The following DNAH14 variants were observed in gnomAD, a reference collection of about 807,000 sequenced individuals.
The protein encoded by DNAH14 is axonemal beta dynein heavy chain 14.
A neutral mutation model predicts 520.9 loss-of-function variants in DNAH14; 478 were observed. That is an observed-to-expected ratio of 0.92 (90% confidence interval 0.85 to 0.99). DNAH14 has a LOEUF of 0.99. Ranked by LOEUF, DNAH14 falls within the 50% of genes least tolerant of loss-of-function variation. The probability of loss-of-function intolerance (pLI) is 0.00; values close to 1 mark genes in which losing one functional copy is unlikely to be tolerated. For synonymous variants in DNAH14, 1,581 were observed against 1,757.2 expected, an observed-to-expected ratio of 0.90 and a Z score of 2.51; for missense variants, 4,831 against 5,234.5, an observed-to-expected ratio of 0.92 and a Z score of 2.38.
At chr1:225,084,188 A>C (rs2073469438) in intron 20 of DNAH14, among the ~76,000 whole-genome samples, 1 of 152,118 alleles carries the variant, frequency 6.6e-6, no homozygotes, top group Non-Finnish European at 1.5e-5. Context: ...TGTAGTGAGG[A>C]GTTAGAGGAA....
intron 8 of DNAH14, among the ~76,000 whole-genome samples, chr1:224,982,288 C>T (rs938725175): frequency 2.6e-5 from 4 of 152,216 alleles, no homozygotes; most frequent in African/African-American, 9.6e-5. Context: ...TCAAACCTCT[C>T]TTGGTGTGCA....
At chr1:225,169,003 G>A (rs984673832) in intron 36 of DNAH14, among the ~76,000 whole-genome samples, 1 of 152,128 alleles carries the variant, frequency 6.6e-6, no homozygotes, top group African/African-American at 2.4e-5. Flanking sequence ...AATATTTACT[G>A]TTCTGCAGCC....
rs1206886806 is a variant in DNAH14, at chr1:224,960,315, A to G, written c.367+13A>G. ...TATGATAGAACAGGTATGTGGTATC[A>G]CTGAACCAATTGCTTAGAAATCACT... On this transcript the variant is annotated intron_variant, in intron 4 of 85. Coordinates refer to ENST00000682510, the MANE Select transcript of DNAH14 (RefSeq NM_001367479.1). The G allele has an allele frequency of 6.5e-7, 1 of 1,545,530 alleles. No individual in the cohort carries two copies. Among genetic ancestry groups the G allele is most frequent in the Admixed American group, 2.1e-5 (1 of 47,212 alleles).
chr1:224,991,084 C>CCTTT (rs1558617220), intron 8 of DNAH14, among the ~76,000 whole-genome samples: 2 of 77,904 alleles, frequency 2.6e-5, no homozygotes, highest in Non-Finnish European at 5.6e-5. Flanking sequence ...TGATGTTGAG[C>CCTTT]TTTTTTTTTT....
intron 55 of DNAH14, among the ~76,000 whole-genome samples, chr1:225,296,020 A>G (rs147143986): frequency 1.8e-4 from 27 of 152,092 alleles, no homozygotes; most frequent in Admixed American, 1.7e-3. Context: ...TTACAGCTTG[A>G]CTAGAAATCT....
intron 23 of DNAH14, among the ~76,000 whole-genome samples, chr1:225,101,946 G>A (rs1393311493): frequency 6.6e-6 from 1 of 151,558 alleles, no homozygotes; most frequent in Admixed American, 6.6e-5. Flanking sequence ...CAACGTGCAG[G>A]TTAGTTACAT....
intron 36 of DNAH14, among the ~76,000 whole-genome samples, chr1:225,178,146 C>T (rs1043890544): frequency 2.0e-5 from 3 of 152,276 alleles, no homozygotes; most frequent in South Asian, 2.1e-4. Context: ...CACTGCATTT[C>T]GGACTTACAT....
At chr1:225,066,947 T>C (rs1052451134) in intron 17 of DNAH14, among the ~76,000 whole-genome samples, 2 of 152,160 alleles carry the variant, frequency 1.3e-5, no homozygotes, top group Non-Finnish European at 2.9e-5. Context: ...TAAAATGTGC[T>C]GCTATAAACG....
chr1:224,950,672 TGAA>T (rs2125480150), intron 1 of DNAH14, among the ~76,000 whole-genome samples: 1 of 152,354 alleles, frequency 6.6e-6, no homozygotes, highest in African/African-American at 2.4e-5. Flanking sequence ...TATACTCTCT[TGAA>T]GGAGCTGGCA....
At chr1:225,296,774 G>A (rs758111012) in intron 55 of DNAH14, among the ~76,000 whole-genome samples, 1 of 152,072 alleles carries the variant, frequency 6.6e-6, no homozygotes, top group African/African-American at 2.4e-5. Context: ...TTCTTGGCTG[G>A]CAGTTTCCTT....
intron 41 of DNAH14, among the ~76,000 whole-genome samples, chr1:225,223,291 T>C (rs1574107568): frequency 6.6e-6 from 1 of 152,056 alleles, no homozygotes; most frequent in African/African-American, 2.4e-5. Flanking sequence ...TTAAAGAAAA[T>C]GGAGCCACTA....
At chr1:224,933,789 G>A (rs1458948811) in intron 1 of DNAH14, among the ~76,000 whole-genome samples, 1 of 152,026 alleles carries the variant, frequency 6.6e-6, no homozygotes, top group African/African-American at 2.4e-5. Context: ...TGATCATGGT[G>A]TATTATTTTT....
At chr1:225,369,266 T>C (rs1259348705) in intron 77 of DNAH14, among the ~76,000 whole-genome samples, 3 of 152,026 alleles carry the variant, frequency 2.0e-5, no homozygotes, top group African/African-American at 7.2e-5. Context: ...TAAGTGTAAA[T>C]GGATGCATTC....
intron 80 of DNAH14, 72 bp downstream of exon 80, chr1:225,380,394 G>A: frequency 2.1e-6 from 3 of 1,441,050 alleles, no homozygotes; most frequent in Non-Finnish European, 2.7e-6. Flanking sequence ...TCAGGAGTAA[G>A]GTAAAGATAA....
At chr1:225,315,036 C>T (rs555518198) in intron 60 of DNAH14, among the ~76,000 whole-genome samples, 1 of 152,114 alleles carries the variant, frequency 6.6e-6, no homozygotes, top group Non-Finnish European at 1.5e-5. Context: ...GTGTGTTTTC[C>T]AACTTGGTTC....
chr1:224,944,597 TTACA>T (rs2059666047), intron 1 of DNAH14, among the ~76,000 whole-genome samples: 1 of 152,196 alleles, frequency 6.6e-6, no homozygotes, highest in Admixed American at 6.5e-5. Context: ...TCAATGGTCT[TTACA>T]ATTTGGCATG....
chr1:225,049,835 A>C (rs1021118436), intron 15 of DNAH14, among the ~76,000 whole-genome samples: 6 of 151,932 alleles, frequency 3.9e-5, no homozygotes, highest in African/African-American at 1.4e-4. Flanking sequence ...GCCTGTGGAC[A>C]TCCAGTTGTT....
intron 41 of DNAH14, among the ~76,000 whole-genome samples, chr1:225,211,523 G>A (rs778045752): frequency 6.6e-6 from 1 of 152,178 alleles, no homozygotes; most frequent in Non-Finnish European, 1.5e-5. Context: ...ACCTACATTT[G>A]ATTGGTGTAC....
rs187649063 is a variant in DNAH14, at chr1:225,281,064, A to G, written c.8271+3562A>G. Among the ~76,000 whole-genome samples, 291 of 152,346 alleles carry G rather than the reference A, an allele frequency of 1.9e-3. 1 individual carries two copies. The highest frequency in any genetic ancestry group is 2.3e-3 in the Non-Finnish European group (156 of 68,030). ...CAATTACATAGGTAAATATAGGGCCATGTGTTCATTTTTTACTGCCTATGA... is the reference window on the plus strand; with the variant it reads ...CAATTACATAGGTAAATATAGGGCCGTGTGTTCATTTTTTACTGCCTATGA... On this transcript the variant is annotated intron_variant, in intron 54 of 85. Transcript: ENST00000682510.
Sources: gnomAD v4.1 joint callset for allele counts (sites outside exome capture counted in the v4.1 genomes callset) on GRCh38, gnomAD v4.1.1 for gene constraint, MANE v1.5 for transcripts, NCBI Gene and HGNC (gene_info 2026-07-23, HGNC 2026-07-21) for gene names.